PPRC1: variants seen among roughly 807,000 people sequenced by gnomAD.
The protein encoded by PPRC1 is peroxisome proliferator-activated receptor gamma coactivator-related protein 1.
PPRC1 carries 23 observed loss-of-function variants against 132.5 expected under a neutral mutation model. That is an observed-to-expected ratio of 0.17 (90% confidence interval 0.12 to 0.25). The LOEUF is 0.25. Among genes scored for constraint, PPRC1 ranks in the 10% least tolerant of loss-of-function variants. The pLI is 1.00. For missense variants in PPRC1, 2,006 were observed against 2,089.1 expected, an observed-to-expected ratio of 0.96 and a Z score of 0.78; for synonymous variants, 872 against 833.5, an observed-to-expected ratio of 1.05 and a Z score of -0.80.
Position 102,139,651 on chromosome 10 carries a change from A to G in PPRC1, c.1143A>G (p.Leu381=), listed in dbSNP as rs147674343. 4.0e-5 allele frequency: 65 copies of G among 1,613,920 alleles called. No homozygotes were observed. Among genetic ancestry groups the G allele is most frequent in the Non-Finnish European group, 2.9e-5 (34 of 1,180,036 alleles). The change falls in exon 5 of 14, where the codon CTA becomes CTG. Residue 381 remains leucine (L), a synonymous_variant. Coordinates refer to ENST00000278070, the MANE Select transcript of PPRC1 (RefSeq NM_015062.5). ...GGCCTGTGCTCCTGGATGACTCGCT[A>G]GAGACTAGTTCTGCCTTGCAGCTGC... is the stretch of plus-strand genomic sequence containing the variant. ...GPRPVLLDDS[L]ETSSALQLLM...
At chr10:102,127,044 T>A in the PPRC1 span, among the ~76,000 whole-genome samples, 1 of 56,228 alleles carries the variant, frequency 1.8e-5, no homozygotes, top group African/African-American at 3.9e-5. Context: ...TATATATATA[T>A]ATATATATAT....
Position 102,141,039 on chromosome 10 carries a change from C to T in PPRC1, c.2531C>T (p.Thr844Ile), listed in dbSNP as rs754310109. 2.5e-6 allele frequency: 4 copies of T among 1,614,078 alleles called. No homozygotes were observed. Among genetic ancestry groups the T allele is most frequent in the South Asian group, 1.1e-5 (1 of 91,096 alleles). Residue 844 changes from threonine (T) to isoleucine (I), a missense_variant, in exon 5 of 14, where the codon ACT becomes ATT. This residue lies in a region of PPRC1 where 1,914 missense variants were observed against 1,917.2 expected (regional missense o/e 1.00). Coordinates refer to ENST00000278070, the MANE Select transcript of PPRC1 (RefSeq NM_015062.5). ...PVSKPVASSPTEQVPSQEMPL... is the reference protein window; with the variant it reads ...PVSKPVASSPIEQVPSQEMPL... ...AGCAAACCTGTGGCCTCATCTCCCA[C>T]TGAGCAGGTGCCATCCCAGGAGATG...
At chr10:102,127,551 C>G in the PPRC1 span, among the ~76,000 whole-genome samples, 8 of 151,360 alleles carry the variant, frequency 5.3e-5, no homozygotes, top group African/African-American at 1.7e-4. Context: ...GGATTACAGG[C>G]AAGTGCTACC....
intron 9 of PPRC1, among the ~76,000 whole-genome samples, chr10:102,147,946 C>T (rs1442604843): frequency 2.0e-5 from 3 of 152,080 alleles, no homozygotes; most frequent in Non-Finnish European, 4.4e-5. Flanking sequence ...TAGCAGTTAA[C>T]CTCTCTCATG....
chr10:102,138,225 A>C (rs2068797226), intron 2 of PPRC1, among the ~76,000 whole-genome samples, 187 bp downstream of exon 2: 1 of 152,208 alleles, frequency 6.6e-6, no homozygotes, highest in Non-Finnish European at 1.5e-5. Flanking sequence ...ATTATGTCCC[A>C]TGTAAGAATT....
chr10:102,144,672 G>A (rs1590349691), intron 7 of PPRC1: 2 of 463,004 alleles, frequency 4.3e-6, no homozygotes, highest in East Asian at 8.0e-5. Flanking sequence ...TTAATGGCTA[G>A]GAGTCATTTT....
At chr10:102,129,677 C>T (rs539228443), upstream of PPRC1, among the ~76,000 whole-genome samples, 89 of 152,168 alleles carry the variant, frequency 5.8e-4, no homozygotes, top group African/African-American at 2.1e-3. Flanking sequence ...GATCTTGGCT[C>T]ACTGCAACCT....
Position 102,145,015 on chromosome 10 carries a change from G to A in PPRC1, c.3609-5G>A, listed in dbSNP as rs948380335. On this transcript the variant is annotated splice_region_variant and splice_polypyrimidine_tract_variant and intron_variant, in intron 7 of 13. Transcript: ENST00000278070. ...ATCAGGCTTTCCCTTTTCCCCCCCC[G>A]CCAGCGGCGTTGACATTCCCCAGGA... 8.7e-6 allele frequency: 12 copies of A among 1,379,130 alleles called. No individual in the cohort carries two copies. The highest frequency in any genetic ancestry group is 5.1e-5 in the Admixed American group (2 of 39,376). 85.4% of individuals were successfully genotyped at this position (1,379,130 alleles called of 1,614,324 possible). A position where few individuals can be genotyped will look rare whatever the true frequency, so the allele number is the denominator to read the frequency against.
At chr10:102,120,388 CGCGTGT>C in the PPRC1 span, 216 of 984,142 alleles carry the variant, frequency 2.2e-4, no homozygotes, top group Middle Eastern at 5.2e-4. Context: ...TGCGTGTGTG[CGCGTGT>C]GCGTGTGCGT....
Position 102,139,174 on chromosome 10 carries a change from T to G in PPRC1, c.666T>G (p.Leu222=). The G allele has an allele frequency of 1.2e-6, 2 of 1,613,766 alleles. No homozygotes were observed. Among genetic ancestry groups the G allele is most frequent in the Non-Finnish European group, 1.7e-6 (2 of 1,179,802 alleles). The change falls in exon 5 of 14, where the codon CTT becomes CTG. Residue 222 remains leucine, a synonymous_variant. Transcript: ENST00000278070. ...TCTTAGAGACCTCTTCCCCCAAGCT[T>G]CCTAGCTGGAGACCCCCAAGATCAA... ...PSFLETSSPK[L]PSWRPPRSRP...
chr10:102,143,828 A>G (rs555881023), intron 6 of PPRC1, among the ~76,000 whole-genome samples: 24 of 152,316 alleles, frequency 1.6e-4, no homozygotes, highest in Admixed American at 5.2e-4. Flanking sequence ...TGTAGGTGCT[A>G]TGGAGGACAC....
chr10:102,144,787 G>T, intron 7 of PPRC1: 1 of 547,546 alleles, frequency 1.8e-6, no homozygotes. Flanking sequence ...AAGGAGGTGG[G>T]GGGTATTCAA....
At chr10:102,134,370 G>A (rs2068643954) in intron 1 of PPRC1, among the ~76,000 whole-genome samples, 1 of 152,054 alleles carries the variant, frequency 6.6e-6, no homozygotes, top group South Asian at 2.1e-4. Context: ...TGGATGAGGA[G>A]GATTCTGTTA....
rs747493282 is a variant in PPRC1 at position 102,148,395 on chromosome 10, G to A, written c.4424G>A (p.Arg1475His). 19 of 1,613,110 alleles carry A rather than the reference G, an allele frequency of 1.2e-5. No homozygotes were observed. Among genetic ancestry groups the A allele is most frequent in the East Asian group, 2.2e-5 (1 of 44,894 alleles). Reference sequence around the variant, plus strand: ...AGGTCCAGCTGTAGTTCCTCTGGACGTTCTCGAAGATGCTCTTCCTCTTCT... The same window carrying A: ...AGGTCCAGCTGTAGTTCCTCTGGACATTCTCGAAGATGCTCTTCCTCTTCT... ...WRRSSCSSSGRSRRCSSSSSS... is the reference protein window; with the variant it reads ...WRRSSCSSSGHSRRCSSSSSS... The change falls in exon 10 of 14, where the codon CGT (arginine) becomes CAT (histidine). Residue 1475 changes from arginine to histidine, a missense_variant. Coordinates refer to ENST00000278070, the MANE Select transcript of PPRC1 (RefSeq NM_015062.5). This position sits in a 1 kb window ranked among gnomAD's most constrained non-coding sequence, Gnocchi z 4.2.
rs1465766482 is a variant in PPRC1, at chr10:102,149,748, G to T, written c.4892-178G>T. 3.7e-5 allele frequency among the ~76,000 whole-genome samples: 5 copies of T among 134,006 alleles called. No homozygotes were observed. In the East Asian group the frequency reaches 8.7e-4, roughly 23 times the overall value. 87.9% of individuals were successfully genotyped at this position (134,006 alleles called of 152,430 possible). A position where few individuals can be genotyped will look rare whatever the true frequency, so the allele number is the denominator to read the frequency against. On this transcript the variant is annotated intron_variant, in intron 13 of 13. Transcript: ENST00000278070. ...CTGTCTCAAAAAAAAAAAAAAAAAAGACCCAAGGGGTGGGACGAGAGGAGA... is the reference window on the plus strand; with the variant it reads ...CTGTCTCAAAAAAAAAAAAAAAAAATACCCAAGGGGTGGGACGAGAGGAGA...
chr10:102,123,115 C>A, the PPRC1 span, among the ~76,000 whole-genome samples: 1 of 152,202 alleles, frequency 6.6e-6, no homozygotes, highest in African/African-American at 2.4e-5. Flanking sequence ...GAAATACCAT[C>A]TCAGTACTGT....
chr10:102,150,145 TG>T lies in PPRC1; in HGVS notation c.*118del, dbSNP rs1173594036. On this transcript the variant is annotated 3_prime_UTR_variant, in exon 14 of 14. Transcript: ENST00000278070. ...GTGAGATGACTGTTTTATAAAGAAATGGAAAAAAGTGAAATAAAAAATATGT... is the reference window on the plus strand; with the variant it reads ...GTGAGATGACTGTTTTATAAAGAAATGAAAAAAGTGAAATAAAAAATATGT... 1.3e-5 allele frequency: 9 copies of T among 686,746 alleles called. No homozygotes were observed. In the Admixed American group the frequency reaches 1.4e-4, roughly 11 times the overall value. The allele number at this position is 686,746 out of a possible 1,614,324, so 42.5% of individuals were successfully genotyped here. A position where few individuals can be genotyped will look rare whatever the true frequency, so the allele number is the denominator to read the frequency against.
intron 5 of PPRC1, among the ~76,000 whole-genome samples, chr10:102,142,655 C>T (rs1419893699): frequency 6.6e-6 from 1 of 151,832 alleles, no homozygotes; most frequent in Non-Finnish European, 1.5e-5. Flanking sequence ...ACCTCGTGAT[C>T]CGCCTGCCTC....
At chr10:102,124,212 C>T in the PPRC1 span, among the ~76,000 whole-genome samples, 1 of 151,982 alleles carries the variant, frequency 6.6e-6, no homozygotes, top group East Asian at 1.9e-4. Context: ...ATTACAGGCA[C>T]CACCACCACA....
Sources: allele counts gnomAD v4.1 joint callset (sites outside exome capture counted in the v4.1 genomes callset), GRCh38; gene constraint gnomAD v4.1.1; regional missense constraint gnomAD v4.1.1; non-coding constraint Gnocchi (gnomAD v3.1); transcripts MANE v1.5; gene names NCBI Gene and HGNC (gene_info 2026-07-23, HGNC 2026-07-21).